The following GALNT17 variants were observed in gnomAD, a reference collection of about 807,000 sequenced individuals.
GALNT17 encodes polypeptide N-acetylgalactosaminyltransferase 17.
A neutral mutation model predicts 63.7 loss-of-function variants in GALNT17; 29 were observed. That is an observed-to-expected ratio of 0.46 (90% CI 0.34 to 0.62). The LOEUF is 0.62. GALNT17 is among the 20% of genes least tolerant of loss of function. The probability of loss-of-function intolerance (pLI) is 0.01; values close to 1 mark genes in which losing one functional copy is unlikely to be tolerated. For missense variants in GALNT17, 603 were observed against 799.6 expected (o/e 0.75, Z 2.97); for synonymous variants, 305 against 318.3 (o/e 0.96, Z 0.45).
At chr7:71,354,133 C>G (rs1228218576) in intron 2 of GALNT17, among the ~76,000 whole-genome samples, 3 of 152,144 alleles carry the variant, frequency 2.0e-5, no homozygotes, top group African/African-American at 7.2e-5. Context: ...CCAGTCACCT[C>G]CTAACACACC....
At chr7:71,273,100 A>G (rs1459472666) in intron 1 of GALNT17, among the ~76,000 whole-genome samples, 1 of 148,124 alleles carries the variant, frequency 6.8e-6, no homozygotes, top group African/African-American at 2.4e-5. Flanking sequence ...TGTTTTTTTA[A>G]CAATTTTATA....
Position 71,536,996 on chromosome 7 carries a change from C to T in GALNT17, c.963-34289C>T, listed in dbSNP as rs200441738. 4.6e-5 allele frequency among the ~76,000 whole-genome samples: 7 copies of T among 152,132 alleles called. No individual in the cohort carries two copies. The East Asian group carries it at 9.7e-4, about 21-fold the overall frequency. ...AACATACCATGCGCATTCAAACCTC[C>T]GTTCCTGCCTCTGTGAACCCATCAT... On this transcript the variant is annotated intron_variant, in intron 5 of 10. Transcript: ENST00000333538.
intron 5 of GALNT17, among the ~76,000 whole-genome samples, chr7:71,569,352 T>C (rs578208899): frequency 2.0e-5 from 3 of 152,136 alleles, no homozygotes; most frequent in Admixed American, 1.3e-4. Context: ...ATGCTGAAGT[T>C]TGGGCATCTG....
At chr7:71,705,899 G>A (rs1237732475) in intron 9 of GALNT17, among the ~76,000 whole-genome samples, 1 of 152,128 alleles carries the variant, frequency 6.6e-6, no homozygotes, top group East Asian at 1.9e-4. Flanking sequence ...AACGTGCAGA[G>A]GACAGGAAGA....
chr7:71,618,043 T>C (rs1790243203), intron 6 of GALNT17, among the ~76,000 whole-genome samples: 1 of 152,148 alleles, frequency 6.6e-6, no homozygotes, highest in Admixed American at 6.5e-5. Context: ...GAGTGTTTAG[T>C]TCCCATTTAT....
intron 9 of GALNT17, among the ~76,000 whole-genome samples, chr7:71,684,008 C>CG (rs1399391661): frequency 8.2e-6 from 1 of 121,442 alleles, no homozygotes; most frequent in Non-Finnish European, 1.7e-5. Context: ...CACTCTGTCT[C>CG]AAAAAAAAAA....
chr7:71,222,737 A>G (rs1789610548), intron 1 of GALNT17, among the ~76,000 whole-genome samples: 1 of 152,154 alleles, frequency 6.6e-6, no homozygotes, highest in Admixed American at 6.6e-5. Context: ...AGTGCATCAT[A>G]TGTCTTACTA....
intron 5 of GALNT17, among the ~76,000 whole-genome samples, chr7:71,493,832 A>T (rs749767710): frequency 1.3e-5 from 2 of 152,138 alleles, no homozygotes; most frequent in Non-Finnish European, 2.9e-5. Context: ...TCCTCTCTGA[A>T]CAATGCAAAT....
In GALNT17 at chr7:71,666,833, G is replaced by A. The variant is rs531695184; in HGVS notation, c.1266+1237G>A. Reference sequence around the variant, plus strand: ...TTTTTATTGTTGTATTGTTCTTACTGGGCTTTTAAAAAATATTTTCAGTCT... The same window carrying A: ...TTTTTATTGTTGTATTGTTCTTACTAGGCTTTTAAAAAATATTTTCAGTCT... On this transcript the variant is annotated intron_variant, in intron 7 of 10. Transcript: ENST00000333538. 2.0e-5 allele frequency among the ~76,000 whole-genome samples: 3 copies of A among 152,030 alleles called. 1 individual carries two copies. The South Asian group carries it at 6.2e-4, about 32-fold the overall frequency.
intron 1 of GALNT17, among the ~76,000 whole-genome samples, chr7:71,135,560 C>T (rs1413945882): frequency 1.3e-5 from 2 of 152,180 alleles, no homozygotes; most frequent in Non-Finnish European, 2.9e-5. Flanking sequence ...AGCTCCTGCA[C>T]CAGTGTCTTG....
At position 71,699,475 on chromosome 7, in the gene GALNT17, C is replaced by CAA. The variant is rs35825722; in HGVS notation, c.1501-11273_1501-11272dup. 9.0e-3 allele frequency among the ~76,000 whole-genome samples: 869 copies of CAA among 96,934 alleles called. 8 individuals are homozygous for CAA. Among genetic ancestry groups the CAA allele is most frequent in the Non-Finnish European group, 0.014 (680 of 48,908 alleles). 63.6% of individuals were successfully genotyped at this position (96,934 alleles called of 152,430 possible). ...TGGGTGACAGAGTGAGACTCTGTCT[C>CAA]AAAAAAAAAAAAAACCCAAAAAACA... On this transcript the variant is annotated intron_variant, in intron 9 of 10. Transcript: ENST00000333538.
chr7:71,357,402 T>C (rs73360114), intron 2 of GALNT17, among the ~76,000 whole-genome samples: 2,967 of 152,272 alleles, frequency 0.019, 79 homozygotes, highest in African/African-American at 0.068. Flanking sequence ...AGTCTCATCC[T>C]GAAACCATTC....
At chr7:71,669,114 A>G (rs776560682) in intron 7 of GALNT17, among the ~76,000 whole-genome samples, 1 of 152,218 alleles carries the variant, frequency 6.6e-6, no homozygotes, top group Non-Finnish European at 1.5e-5. Flanking sequence ...CACAGCAATG[A>G]TAAGGATGGT....
At chr7:71,292,706 TGTGTGTTG>T (rs1185264357) in intron 1 of GALNT17, among the ~76,000 whole-genome samples, 2 of 139,544 alleles carry the variant, frequency 1.4e-5, no homozygotes, top group Non-Finnish European at 3.2e-5. Context: ...TGTGTGTGTG[TGTGTGTTG>T]GGCAGATTTA....
intron 2 of GALNT17, among the ~76,000 whole-genome samples, chr7:71,350,082 G>T (rs1449787665): frequency 6.6e-6 from 1 of 152,152 alleles, no homozygotes; most frequent in Admixed American, 6.5e-5. Flanking sequence ...GGGAATTCTT[G>T]TGTAAGGACA....
intron 5 of GALNT17, among the ~76,000 whole-genome samples, chr7:71,522,887 A>C (rs1037384657): frequency 2.6e-5 from 4 of 152,206 alleles, no homozygotes; most frequent in Non-Finnish European, 4.4e-5. Context: ...CCACAGCAGA[A>C]GCATCCCCTG....
intron 1 of GALNT17, among the ~76,000 whole-genome samples, chr7:71,180,166 C>T (rs887149626): frequency 6.6e-6 from 1 of 151,964 alleles, no homozygotes; most frequent in Non-Finnish European, 1.5e-5. Context: ...CGCTCTGTCG[C>T]CCAGGCTGGA....
At chr7:71,683,882 C>T (rs503609) in intron 9 of GALNT17, among the ~76,000 whole-genome samples, 31,637 of 151,464 alleles carry the variant, frequency 0.21, 3,758 homozygotes, top group Non-Finnish European at 0.28. Flanking sequence ...GTGGTGGGCG[C>T]CTGTAATCCC....
intron 1 of GALNT17, among the ~76,000 whole-genome samples, chr7:71,277,107 G>C (rs1030871038): frequency 6.6e-6 from 1 of 152,156 alleles, no homozygotes; most frequent in Non-Finnish European, 1.5e-5. Flanking sequence ...CATCAGTGGT[G>C]GGTTGGATAA....
Sources: allele counts gnomAD v4.1 joint callset (sites outside exome capture counted in the v4.1 genomes callset), GRCh38; gene constraint gnomAD v4.1.1; transcripts MANE v1.5; gene names NCBI Gene and HGNC (gene_info 2026-07-23, HGNC 2026-07-21).